XPO4: variants seen among roughly 807,000 people sequenced by gnomAD.
The protein encoded by XPO4 is exportin 4.
Under a neutral mutation model 143.0 loss-of-function variants are expected in XPO4, and 39 were observed. The ratio of observed to expected loss-of-function variants is 0.27; its 90% CI spans 0.21 to 0.36. XPO4 has a LOEUF of 0.36. Ranked by LOEUF, XPO4 falls within the 10% of genes least tolerant of loss-of-function variation. XPO4 has a pLI of 1.00. For missense variants in XPO4, 907 were observed against 1,348.0 expected (o/e 0.67, Z 5.12); for synonymous variants, 439 against 474.0 (o/e 0.93, Z 0.96).
intron 13 of XPO4, among the ~76,000 whole-genome samples, chr13:20,804,908 T>C (rs1303382898): frequency 1.3e-5 from 2 of 151,948 alleles, no homozygotes; most frequent in East Asian, 3.9e-4. Flanking sequence ...TCCTAACTGG[T>C]CTCCTGGCTT....
intron 6 of XPO4, among the ~76,000 whole-genome samples, chr13:20,829,211 G>C (rs2059823111): frequency 6.6e-6 from 1 of 152,126 alleles, no homozygotes; most frequent in South Asian, 2.1e-4. Context: ...TCCTGGCTCA[G>C]CCTCCCAAAG....
intron 6 of XPO4, among the ~76,000 whole-genome samples, chr13:20,842,124 T>C (rs779451436): frequency 6.6e-6 from 1 of 152,302 alleles, no homozygotes; most frequent in South Asian, 2.1e-4. Flanking sequence ...ATTTTACATT[T>C]GGAAAAGCTG....
intron 9 of XPO4, among the ~76,000 whole-genome samples, chr13:20,820,820 TCA>T (rs951934866): frequency 6.6e-5 from 10 of 152,178 alleles, no homozygotes; most frequent in Admixed American, 2.0e-4. Flanking sequence ...ACGAAAAAAC[TCA>T]CATACACGTT....
chr13:20,897,443 T>G (rs1311722558), intron 1 of XPO4, among the ~76,000 whole-genome samples: 2 of 152,220 alleles, frequency 1.3e-5, no homozygotes, highest in Non-Finnish European at 2.9e-5. Flanking sequence ...GCTTAAGGGT[T>G]ACCTATTCCA....
At chr13:20,798,604 A>T (rs936206028) in intron 16 of XPO4, among the ~76,000 whole-genome samples, 1 of 152,248 alleles carries the variant, frequency 6.6e-6, no homozygotes, top group Non-Finnish European at 1.5e-5. Flanking sequence ...TGTGCCTAAA[A>T]TGCAGAACAC....
At chr13:20,835,634 G>A (rs1210577372) in intron 6 of XPO4, among the ~76,000 whole-genome samples, 1 of 152,094 alleles carries the variant, frequency 6.6e-6, no homozygotes, top group Admixed American at 6.6e-5. Flanking sequence ...CATTTCCTTG[G>A]CACAAACCCC....
chr13:20,867,146 T>C (rs1444009562), intron 2 of XPO4, among the ~76,000 whole-genome samples: 7 of 152,238 alleles, frequency 4.6e-5, no homozygotes, highest in South Asian at 2.1e-4. Context: ...CACAGGTATA[T>C]GTTAAATCTT....
chr13:20,851,711 C>CAAAAAAAAAAA (rs11340357), intron 4 of XPO4: 12 of 681,856 alleles, frequency 1.8e-5, no homozygotes, highest in African/African-American at 1.1e-4. Flanking sequence ...CCCGGTCTCA[C>CAAAAAAAAAAA]AAAAAAAAAA....
chr13:20,867,537 G>C (rs2060254845), intron 2 of XPO4, among the ~76,000 whole-genome samples: 1 of 152,156 alleles, frequency 6.6e-6, no homozygotes, highest in South Asian at 2.1e-4. Flanking sequence ...ATGAAAAAGA[G>C]GCCCAGGGAG....
chr13:20,842,141 A>C (rs1371649230), intron 6 of XPO4, among the ~76,000 whole-genome samples: 1 of 152,182 alleles, frequency 6.6e-6, no homozygotes, highest in Non-Finnish European at 1.5e-5. Context: ...GCTGAGACTC[A>C]GAGAGGTTCA....
rs1311923796 is a variant in XPO4, at chr13:20,896,749, GAAGGT to G, written c.69+5916_69+5920del. On this transcript the variant is annotated intron_variant, in intron 1 of 22. Coordinates refer to ENST00000255305, the MANE Select transcript of XPO4 (RefSeq NM_022459.5). Reference sequence around the variant, plus strand: ...ATTACTGTATCAGTTAGACCCTCCAGAAGGTATTAAATAACAGTTATATTAGGACT... The same window carrying G: ...ATTACTGTATCAGTTAGACCCTCCAGATTAAATAACAGTTATATTAGGACT... Among the ~76,000 whole-genome samples, 13 of 152,180 alleles carry G rather than the reference GAAGGT, an allele frequency of 8.5e-5. No homozygotes were observed. The South Asian group carries it at 2.3e-3, about 27-fold the overall frequency.
At chr13:20,902,314 C>A (rs2060628988) in intron 1 of XPO4, 1 of 985,422 alleles carries the variant, frequency 1.0e-6, no homozygotes, top group Middle Eastern at 5.2e-4. Context: ...TACAAATTTC[C>A]CCTACCGAAG....
At chr13:20,850,203 AT>A (rs1452065351) in intron 4 of XPO4, 19 of 985,142 alleles carry the variant, frequency 1.9e-5, no homozygotes, top group Non-Finnish European at 2.3e-5. Flanking sequence ...AAAACACATG[AT>A]TTATTATAGT....
intron 1 of XPO4, among the ~76,000 whole-genome samples, chr13:20,871,182 C>CTTTGT (rs1411628568): frequency 6.6e-6 from 1 of 151,716 alleles, no homozygotes; most frequent in Non-Finnish European, 1.5e-5. Context: ...TGTTTTATTG[C>CTTTGT]TTTGTTTTGT....
At chr13:20,876,748 T>G (rs537173951) in intron 1 of XPO4, among the ~76,000 whole-genome samples, 2 of 152,212 alleles carry the variant, frequency 1.3e-5, no homozygotes, top group African/African-American at 4.8e-5. Context: ...TGAGAATGTG[T>G]CCAGAACTTA....
intron 6 of XPO4, among the ~76,000 whole-genome samples, chr13:20,839,061 C>T (rs1232280490): frequency 2.0e-5 from 3 of 152,012 alleles, no homozygotes; most frequent in Non-Finnish European, 4.4e-5. Context: ...GACAGGAATT[C>T]GAGACCAGCC....
At chr13:20,784,282 T>C (rs1460869616) in intron 22 of XPO4, among the ~76,000 whole-genome samples, 1 of 152,194 alleles carries the variant, frequency 6.6e-6, no homozygotes, top group Non-Finnish European at 1.5e-5. Flanking sequence ...ATTATTCCTA[T>C]TTATGTTGCG....
At chr13:20,853,960 T>A (rs780678118) in intron 4 of XPO4, among the ~76,000 whole-genome samples, 17 of 152,104 alleles carry the variant, frequency 1.1e-4, no homozygotes, top group Non-Finnish European at 2.5e-4. Context: ...AAACTTAATA[T>A]CACACAATCA....
chr13:20,812,038 T>C (rs190862849), intron 9 of XPO4, among the ~76,000 whole-genome samples: 3 of 152,132 alleles, frequency 2.0e-5, no homozygotes, highest in South Asian at 4.1e-4. Context: ...ATTTTTAAAG[T>C]TGAAAACCCA....
Sources: allele counts gnomAD v4.1 joint callset (sites outside exome capture counted in the v4.1 genomes callset), GRCh38; gene constraint gnomAD v4.1.1; transcripts MANE v1.5; gene names NCBI Gene and HGNC (gene_info 2026-07-23, HGNC 2026-07-21).